TRMT6: variants seen among roughly 807,000 people sequenced by gnomAD.
TRMT6 encodes the protein tRNA (adenine(58)-N(1))-methyltransferase non-catalytic subunit TRM6.
In TRMT6, 34 loss-of-function variants were observed where a neutral mutation model predicts 59.0. The observed-to-expected ratio is 0.58, with a 90% confidence interval of 0.44 to 0.77. TRMT6 has a LOEUF of 0.77. TRMT6 is among the 30% of genes least tolerant of loss of function. The probability of loss-of-function intolerance (pLI) is 0.00; values close to 1 mark genes in which losing one functional copy is unlikely to be tolerated. For synonymous variants in TRMT6, 217 were observed against 210.5 expected (o/e 1.03, Z -0.27); for missense variants, 575 against 604.5 (o/e 0.95, Z 0.51).
rs540826929 is a variant in TRMT6 at position 5,937,309 on chromosome 20, A to C, written c.*1226T>G. ...CTTAGTAATCACATTGGCATAGCAC[A>C]TGCTATTTGGAAAAAAAATTTTTTT... On this transcript the variant is annotated 3_prime_UTR_variant, in exon 11 of 11. Coordinates refer to ENST00000203001, the MANE Select transcript of TRMT6 (RefSeq NM_015939.5). 1 of 152,358 alleles carries C rather than the reference A, an allele frequency of 6.6e-6. No individual in the cohort carries two copies. Among genetic ancestry groups the C allele is most frequent in the East Asian group, 1.9e-4 (1 of 5,188 alleles). 9.4% of individuals were successfully genotyped at this position (152,358 alleles called of 1,614,324 possible).
chr20:5,944,935 A>G, intron 2 of TRMT6, 21 bp from the exon 3 acceptor site: 1 of 1,555,962 alleles, frequency 6.4e-7, no homozygotes, highest in Non-Finnish European at 8.9e-7. Flanking sequence ...AAATTGCTCT[A>G]TTGACATTTA....
chr20:5,944,303 C>T (rs1038195774), intron 3 of TRMT6, 50 bp from the exon 4 acceptor site: 1 of 1,160,586 alleles, frequency 8.6e-7, no homozygotes, highest in Non-Finnish European at 1.2e-6. Flanking sequence ...TTTCACAAAA[C>T]AAGTAATTTC....
Position 5,941,745 on chromosome 20 carries a change from A to G in TRMT6, c.1112+206T>C. The G allele has an allele frequency of 1.5e-5, 9 of 590,928 alleles. No homozygotes were observed. In the Middle Eastern group the frequency reaches 9.6e-4, roughly 63 times the overall value. The allele number at this position is 590,928 out of a possible 1,614,324, so 36.6% of individuals were successfully genotyped here. A position where few individuals can be genotyped will look rare whatever the true frequency, so the allele number is the denominator to read the frequency against. ...CTTGATGCAGTGATGGAGAAGATTC[A>G]ATTTCTTCTGAAACCCTGAAACCAG... On this transcript the variant is annotated intron_variant, in intron 8 of 10. Transcript: ENST00000203001.
chr20:5,950,106 G>C (rs1247432263), intron 1 of TRMT6, among the ~76,000 whole-genome samples, 172 bp downstream of exon 1: 3 of 152,120 alleles, frequency 2.0e-5, no homozygotes, highest in Admixed American at 1.3e-4. Flanking sequence ...CGGGATCCTG[G>C]TGGAAAAGCC....
At chr20:5,944,336 G>T in intron 3 of TRMT6, 83 bp from the exon 4 acceptor site, 1 of 759,480 alleles carries the variant, frequency 1.3e-6, no homozygotes, top group Non-Finnish European at 2.1e-6. Flanking sequence ...ACCCAAGAAT[G>T]GATCCAATGG....
At chr20:5,945,003 C>T (rs538760960) in intron 2 of TRMT6, 89 bp from the exon 3 acceptor site, 4 of 1,050,232 alleles carry the variant, frequency 3.8e-6, no homozygotes, top group Admixed American at 1.9e-5. Flanking sequence ...TCCAGTCCAT[C>T]AGCCACTCAA....
chr20:5,940,832 AT>A (rs11335317), intron 10 of TRMT6, among the ~76,000 whole-genome samples: 52,884 of 151,312 alleles, frequency 0.35, 13,087 homozygotes, highest in African/African-American at 0.69. Context: ...CAATTTATGT[AT>A]TTTTTTTTGT....
rs1344121554 is a variant in TRMT6, at chr20:5,942,481, A to T, written c.973T>A (p.Ser325Thr). ...PEDQETMETI[S>T]QDPEHKGPKE... The stretch of plus-strand genomic sequence containing the variant: ...GGCCCCTTATGTTCTGGATCTTGAG[A>T]AATTGTTTCCATTGTTTCCTGGTCT... The change falls in exon 7 of 11, where the codon TCT becomes ACT. Residue 325 changes from serine to threonine, a missense_variant. By Grantham distance (58) the Ser-to-Thr change is moderately conservative (BLOSUM62 1). Coordinates refer to ENST00000203001, the MANE Select transcript of TRMT6 (RefSeq NM_015939.5). 2 of 1,613,824 alleles carry T rather than the reference A, an allele frequency of 1.2e-6. No individual in the cohort carries two copies. The highest frequency in any genetic ancestry group is 1.7e-5 in the Admixed American group (1 of 59,980).
At chr20:5,938,845 A>T in intron 10 of TRMT6, 119 bp from the exon 11 acceptor site, 1 of 879,314 alleles carries the variant, frequency 1.1e-6, no homozygotes, top group South Asian at 2.4e-5. Context: ...TTAAATGGAC[A>T]TTTTTTTTTC....
intron 1 of TRMT6, among the ~76,000 whole-genome samples, chr20:5,947,450 C>A (rs746234014): frequency 6.6e-6 from 1 of 152,212 alleles, no homozygotes; most frequent in Non-Finnish European, 1.5e-5. Flanking sequence ...ACCCACGCTC[C>A]CGTGTCAGAG....
rs1239065127 is a variant in TRMT6 at position 5,950,420 on chromosome 20, C to T, written c.-15G>A. On this transcript the variant is annotated 5_prime_UTR_variant, in exon 1 of 11. Transcript: ENST00000203001. The stretch of plus-strand genomic sequence containing the variant: ...GAGCCCTCCATGACGCTCAGCCGGT[C>T]GCCGTGCTCCACGGCGTCCCGCCCC... 6.4e-7 allele frequency: 1 copy of T among 1,563,708 alleles called. No homozygotes were observed. The highest frequency in any genetic ancestry group is 1.8e-5 in the Admixed American group (1 of 57,116).
In TRMT6 at chr20:5,950,353, T is replaced by C. The variant is rs779329756; in HGVS notation, c.53A>G (p.His18Arg). The stretch of plus-strand genomic sequence containing the variant: ...CACGAAGTCGCCGTCGCGGATGCGG[T>C]GGTCTCCGGGATGCTGTGGTTGTGG... Reference protein sequence around the residue: ...PGPQPQHPGDHRIRDGDFVVL... With the variant: ...PGPQPQHPGDRRIRDGDFVVL... The change falls in exon 1 of 11, where the codon CAC (histidine) becomes CGC (arginine). Residue 18 changes from histidine to arginine, a missense_variant. Coordinates refer to ENST00000203001, the MANE Select transcript of TRMT6 (RefSeq NM_015939.5). 38 of 1,611,930 alleles carry C rather than the reference T, an allele frequency of 2.4e-5. No individual in the cohort carries two copies. In the South Asian group the frequency reaches 3.8e-4, roughly 16 times the overall value.
intron 2 of TRMT6, 121 bp from the exon 3 acceptor site, chr20:5,945,035 G>A: frequency 2.8e-6 from 2 of 704,124 alleles, no homozygotes; most frequent in South Asian, 3.5e-5. Flanking sequence ...CAGCTGCACT[G>A]CCCCCATCAC....
In TRMT6 at chr20:5,946,554, A is replaced by G. The variant is rs1055915135; in HGVS notation, c.129-21T>C. 9 of 1,611,016 alleles carry G rather than the reference A, an allele frequency of 5.6e-6. No individual in the cohort carries two copies. The East Asian group carries it at 1.1e-4, about 20-fold the overall frequency. ...CTTTTCTAGGGAAAAAAAGTAATCA[A>G]TTAACTGAATATCTTTTCTATCCAG... On this transcript the variant is annotated intron_variant, in intron 1 of 10. Coordinates refer to ENST00000203001, the MANE Select transcript of TRMT6 (RefSeq NM_015939.5).
chr20:5,947,599 T>C (rs236184), intron 1 of TRMT6, among the ~76,000 whole-genome samples: 34,154 of 152,236 alleles, frequency 0.22, 5,713 homozygotes, highest in African/African-American at 0.46. Context: ...GATTCAGATA[T>C]GGCCAATTCT....
chr20:5,947,193 G>A (rs1233892670), intron 1 of TRMT6, among the ~76,000 whole-genome samples: 1 of 152,158 alleles, frequency 6.6e-6, no homozygotes, highest in East Asian at 1.9e-4. Context: ...TGTTGGAGCT[G>A]GGATTCAAAT....
Position 5,944,919 on chromosome 20 carries a change from G to A in TRMT6, c.257-5C>T, listed in dbSNP as rs6085330. 1.3e-6 allele frequency: 2 copies of A among 1,597,260 alleles called. No homozygotes were observed. Among genetic ancestry groups the A allele is most frequent in the Non-Finnish European group, 8.6e-7 (1 of 1,165,910 alleles). ...CAGTGCCCGCTTCTTTAGTCTCTAAGGAAAGAAATTGCTCTATTGACATTT... is the reference window on the plus strand; with the variant it reads ...CAGTGCCCGCTTCTTTAGTCTCTAAAGAAAGAAATTGCTCTATTGACATTT... On this transcript the variant is annotated splice_polypyrimidine_tract_variant and splice_region_variant and intron_variant, in intron 2 of 10. Transcript: ENST00000203001.
At chr20:5,945,628 C>A (rs754601636) in intron 2 of TRMT6, among the ~76,000 whole-genome samples, 45 of 152,104 alleles carry the variant, frequency 3.0e-4, no homozygotes, top group Non-Finnish European at 4.1e-4. Flanking sequence ...CCAAATTATA[C>A]CTGGCATATA....
At chr20:5,947,382 T>C (rs1488380044) in intron 1 of TRMT6, among the ~76,000 whole-genome samples, 1 of 152,164 alleles carries the variant, frequency 6.6e-6, no homozygotes, top group African/African-American at 2.4e-5. Context: ...TCCCACTCCT[T>C]CTCTTCCTTT....
Sources: gnomAD v4.1 joint callset for allele counts (sites outside exome capture counted in the v4.1 genomes callset) on GRCh38, gnomAD v4.1.1 for gene constraint, MANE v1.5 for transcripts, NCBI Gene and HGNC (gene_info 2026-07-23, HGNC 2026-07-21) for gene names.